Variants in DAP observed in about 807,000 individuals in gnomAD.
The protein encoded by DAP is death-associated protein 1.
Under a neutral mutation model 13.8 loss-of-function variants are expected in DAP, and 8 were observed. The ratio of observed to expected loss-of-function variants is 0.58; its 90% confidence interval spans 0.34 to 1.05. The LOEUF is 1.05. DAP is among the 50% of genes least tolerant of loss of function. The pLI is 0.03. For missense variants in DAP, 106 were observed against 133.2 expected (o/e 0.80, Z 1.01); for synonymous variants, 47 against 47.5 (o/e 0.99, Z 0.04).
chr5:10,685,026 T>C (rs572822999), intron 2 of DAP, among the ~76,000 whole-genome samples: 49 of 152,226 alleles, frequency 3.2e-4, no homozygotes, highest in Non-Finnish European at 6.6e-4. Flanking sequence ...CTGCTGCCAG[T>C]GGTCTTTTTT....
In DAP at chr5:10,680,777, G is replaced by A. The variant is rs1376931027; in HGVS notation, c.*279C>T. 2.0e-5 allele frequency: 31 copies of A among 1,536,510 alleles called. No homozygotes were observed. Among genetic ancestry groups the A allele is most frequent in the Non-Finnish European group, 2.6e-5 (30 of 1,147,014 alleles). ...AGGTGACTGCTGAAATAGAACTAAA[G>A]CTAAAATTTTTCTCGGATCTTGGCA... On this transcript the variant is annotated 3_prime_UTR_variant, in exon 4 of 4. Transcript: ENST00000230895.
intron 2 of DAP, among the ~76,000 whole-genome samples, chr5:10,711,229 G>T (rs919450669): frequency 4.6e-5 from 7 of 152,242 alleles, no homozygotes; most frequent in Non-Finnish European, 1.0e-4. Flanking sequence ...GATCAGCAGG[G>T]CCAAGAGCAG....
chr5:10,721,868 A>G (rs1299498398), intron 2 of DAP, among the ~76,000 whole-genome samples: 2 of 152,216 alleles, frequency 1.3e-5, no homozygotes, highest in African/African-American at 4.8e-5. Context: ...TTGTACTAAG[A>G]AAATATCTTT....
In DAP at chr5:10,747,983, T is replaced by A; in HGVS notation, c.152+192A>T. The A allele has an allele frequency of 3.7e-6, 2 of 543,858 alleles. 1 individual carries two copies. The highest frequency in any genetic ancestry group is 4.1e-5 in the South Asian group (2 of 48,940). The allele number at this position is 543,858 out of a possible 1,614,324, so 33.7% of individuals were successfully genotyped here. ...TGGCAACTGCTCAGGAAAGAGGACC[T>A]CTAGGGGCTCTATTTTCTCCCCTGA... On this transcript the variant is annotated intron_variant, in intron 2 of 3. Coordinates refer to ENST00000230895, the MANE Select transcript of DAP (RefSeq NM_004394.3).
At chr5:10,696,713 C>T (rs1738447684) in intron 2 of DAP, among the ~76,000 whole-genome samples, 1 of 152,188 alleles carries the variant, frequency 6.6e-6, no homozygotes. Context: ...CATAACACTT[C>T]CTTTCTCTCT....
chr5:10,715,168 T>G (rs957992591), intron 2 of DAP, among the ~76,000 whole-genome samples: 2 of 152,120 alleles, frequency 1.3e-5, no homozygotes, highest in Non-Finnish European at 2.9e-5. Context: ...TGAGTTCCTG[T>G]TTTTGGAGGA....
chr5:10,680,999 G>A lies in DAP; in HGVS notation c.*57C>T. 2 of 1,553,262 alleles carry A rather than the reference G, an allele frequency of 1.3e-6. No individual in the cohort carries two copies. The highest frequency in any genetic ancestry group is 8.7e-7 in the Non-Finnish European group (1 of 1,148,554). ...GCGAAACTGCTGGTTCTCTCTGTCA[G>A]GGAAATACCAAGTGCAGCAGAGCCG... On this transcript the variant is annotated 3_prime_UTR_variant, in exon 4 of 4. Transcript: ENST00000230895.
chr5:10,696,273 C>T (rs1351517416), intron 2 of DAP, among the ~76,000 whole-genome samples: 4 of 152,142 alleles, frequency 2.6e-5, no homozygotes, highest in South Asian at 2.1e-4. Flanking sequence ...TATACAGAAG[C>T]GACCACATCT....
intron 1 of DAP, among the ~76,000 whole-genome samples, chr5:10,752,363 C>A (rs1740067484): frequency 1.3e-5 from 2 of 152,172 alleles, no homozygotes; most frequent in Admixed American, 1.3e-4. Flanking sequence ...AATATGACAG[C>A]ACATATTTAT....
intron 2 of DAP, among the ~76,000 whole-genome samples, chr5:10,734,482 A>G (rs1739554095): frequency 6.6e-6 from 1 of 152,128 alleles, no homozygotes; most frequent in African/African-American, 2.4e-5. Flanking sequence ...ATGGGTACCC[A>G]TATGCTGTGC....
At chr5:10,726,969 A>G (rs1330307907) in intron 2 of DAP, among the ~76,000 whole-genome samples, 1 of 152,192 alleles carries the variant, frequency 6.6e-6, no homozygotes, top group East Asian at 1.9e-4. Flanking sequence ...GACCTTGTAC[A>G]GGGCTGCTGG....
intron 2 of DAP, chr5:10,733,972 G>A (rs1161099374): frequency 6.6e-6 from 1 of 152,192 alleles, no homozygotes; most frequent in Admixed American, 6.5e-5. Context: ...TTACTTTCAT[G>A]TGGTTATTAT....
chr5:10,696,332 G>C (rs931590788), intron 2 of DAP, among the ~76,000 whole-genome samples: 1 of 152,200 alleles, frequency 6.6e-6, no homozygotes, highest in South Asian at 2.1e-4. Flanking sequence ...CAGGGAATAG[G>C]GGGTGTGGCG....
intron 2 of DAP, among the ~76,000 whole-genome samples, chr5:10,689,780 T>C (rs963000801): frequency 6.6e-6 from 1 of 152,152 alleles, no homozygotes; most frequent in Admixed American, 6.5e-5. Context: ...GAGGGTCTGA[T>C]GCCGCAGTCA....
chr5:10,741,318 A>G (rs1739748737), intron 2 of DAP, among the ~76,000 whole-genome samples: 1 of 152,206 alleles, frequency 6.6e-6, no homozygotes, highest in African/African-American at 2.4e-5. Flanking sequence ...ATGCTACTGC[A>G]ATCCAGCCTG....
At chr5:10,688,565 T>G (rs1043583620) in intron 2 of DAP, among the ~76,000 whole-genome samples, 23 of 152,176 alleles carry the variant, frequency 1.5e-4, no homozygotes, top group African/African-American at 5.3e-4. Context: ...ATCTCTGAGG[T>G]CTGCCTGTAC....
At position 10,744,085 on chromosome 5, in the gene DAP, C is replaced by CAG. The variant is rs1277492247; in HGVS notation, c.152+4089_152+4090insCT. ...AACATCTTTAATCTTCCACTTGTCC[C>CAG]TTTTCTCTGTAATCAGTACTTGATT... On this transcript the variant is annotated intron_variant, in intron 2 of 3. Transcript: ENST00000230895. Among the ~76,000 whole-genome samples, 109 of 152,062 alleles carry CAG rather than the reference C, an allele frequency of 7.2e-4. 1 individual carries two copies. Among genetic ancestry groups the CAG allele is most frequent in the Non-Finnish European group, 1.1e-3 (73 of 67,994 alleles).
intron 2 of DAP, among the ~76,000 whole-genome samples, chr5:10,715,189 C>T (rs1480703595): frequency 1.3e-5 from 2 of 152,078 alleles, no homozygotes; most frequent in African/African-American, 2.4e-5. Flanking sequence ...GAGGAGGAGG[C>T]CCCAAATGTA....
chr5:10,748,692 T>G lies in DAP; in HGVS notation c.56-421A>C, dbSNP rs1445171339. On this transcript the variant is annotated intron_variant, in intron 1 of 3. Coordinates refer to ENST00000230895, the MANE Select transcript of DAP (RefSeq NM_004394.3). ...TGTTTTTGATGGGGTGATATGGTGA[T>G]GGGTGACATGGGACAGCTACTGTGC... Among the ~76,000 whole-genome samples, 4 of 152,200 alleles carry G rather than the reference T, an allele frequency of 2.6e-5. No homozygotes were observed. In the East Asian group the frequency reaches 7.7e-4, roughly 29 times the overall value.
Sources: gnomAD v4.1 joint callset for allele counts (sites outside exome capture counted in the v4.1 genomes callset) on GRCh38, gnomAD v4.1.1 for gene constraint, MANE v1.5 for transcripts, NCBI Gene and HGNC (gene_info 2026-07-23, HGNC 2026-07-21) for gene names.